TRAPPC10: variants seen among roughly 807,000 people sequenced by gnomAD.
TRAPPC10 encodes the protein TRAPP 130 kDa subunit.
In TRAPPC10, 23 loss-of-function variants were observed where a neutral mutation model predicts 125.5. The ratio of observed to expected loss-of-function variants is 0.18; its 90% CI spans 0.13 to 0.26. TRAPPC10 has a LOEUF of 0.26. TRAPPC10 is among the 10% of genes least tolerant of loss of function. TRAPPC10 has a pLI of 1.00. For synonymous variants in TRAPPC10, 509 were observed against 518.0 expected (o/e 0.98, Z 0.24); for missense variants, 1,123 against 1,308.4 (o/e 0.86, Z 2.19).
intron 1 of TRAPPC10, 52 bp from the exon 2 acceptor site, chr21:44,032,039 G>A: frequency 2.8e-6 from 4 of 1,443,256 alleles, no homozygotes; most frequent in Non-Finnish European, 2.9e-6. Context: ...GAGCCATTTT[G>A]CATGTATTCA....
chr21:44,078,822 A>C (rs1232838898), intron 11 of TRAPPC10, among the ~76,000 whole-genome samples: 1 of 152,216 alleles, frequency 6.6e-6, no homozygotes, highest in Non-Finnish European at 1.5e-5. Flanking sequence ...ACACACCAGT[A>C]GTCCCAGCTA....
chr21:44,057,273 C>T lies in TRAPPC10; in HGVS notation c.678+1380C>T, dbSNP rs534839938. ...CACAATAGTGTGAGTGCATTTAACA[C>T]TACTGAGCTGTAGTCTTCTCTCTCT... On this transcript the variant is annotated intron_variant, in intron 5 of 22. Transcript: ENST00000291574. 7.2e-5 allele frequency among the ~76,000 whole-genome samples: 11 copies of T among 152,024 alleles called. No homozygotes were observed. The South Asian group carries it at 2.3e-3, about 32-fold the overall frequency.
At chr21:44,027,886 G>A (rs1460546233) in intron 1 of TRAPPC10, among the ~76,000 whole-genome samples, 3 of 152,094 alleles carry the variant, frequency 2.0e-5, no homozygotes, top group Non-Finnish European at 4.4e-5. Flanking sequence ...CCCCACGTGA[G>A]GGCACAGCAA....
At position 44,063,476 on chromosome 21, in the gene TRAPPC10, C is replaced by T. The variant is rs2036204317; in HGVS notation, c.791-62C>T. On this transcript the variant is annotated intron_variant, in intron 6 of 22. Transcript: ENST00000291574. The surrounding 1 kb of genome is among the most constrained non-coding windows in gnomAD (Gnocchi z 4.4). Reference sequence around the variant, plus strand: ...GTTTGCCCACCATCCTCAGCCTGAGCAGGAAGCTCAGGAAGGTGAAGTACC... The same window carrying T: ...GTTTGCCCACCATCCTCAGCCTGAGTAGGAAGCTCAGGAAGGTGAAGTACC... The T allele has an allele frequency of 1.9e-6, 3 of 1,581,016 alleles. No homozygotes were observed. Among genetic ancestry groups the T allele is most frequent in the Admixed American group, 1.7e-5 (1 of 58,068 alleles).
At chr21:44,081,005 C>CTTTTT (rs71326026) in intron 13 of TRAPPC10, among the ~76,000 whole-genome samples, 15 of 103,896 alleles carry the variant, frequency 1.4e-4, no homozygotes, top group African/African-American at 1.9e-4. Flanking sequence ...TATTATTGTT[C>CTTTTT]TTTTTTTTTT....
intron 7 of TRAPPC10, among the ~76,000 whole-genome samples, chr21:44,073,174 C>G (rs1297606057): frequency 6.6e-6 from 1 of 152,070 alleles, no homozygotes; most frequent in Non-Finnish European, 1.5e-5. Flanking sequence ...AGAAGTTGGG[C>G]TTTTTAGCTT....
Position 44,032,095 on chromosome 21 carries a change from T to C in TRAPPC10, c.72T>C (p.Ala24=). ...ATTTCTTTCTTCCCTTCATAGGTGC[T>C]GGAGATCAGAATTTATTTACCTCTG... ...TMENKPIVTC[A]GDQNLFTSVY... The change falls in exon 2 of 23, where the codon GCT becomes GCC. Residue 24 remains alanine (A), a synonymous_variant. Coordinates refer to ENST00000291574, the MANE Select transcript of TRAPPC10 (RefSeq NM_003274.5). 6.2e-7 allele frequency: 1 copy of C among 1,613,204 alleles called. No homozygotes were observed. The highest frequency in any genetic ancestry group is 8.5e-7 in the Non-Finnish European group (1 of 1,179,516).
chr21:44,074,357 G>C lies in TRAPPC10; in HGVS notation c.1072G>C (p.Val358Leu). 6.2e-7 allele frequency: 1 copy of C among 1,614,186 alleles called. No homozygotes were observed. Among genetic ancestry groups the C allele is most frequent in the South Asian group, 1.1e-5 (1 of 91,074 alleles). Residue 358 changes from valine (V) to leucine (L), a missense_variant, in exon 8 of 23, where the codon GTG (valine) becomes CTG (leucine). By Grantham distance (32) the Val-to-Leu change is conservative. Transcript: ENST00000291574. ...SVPPGALDCW[V>L]FLSCLEVLQR... ...CCCACCTGGTGCTCTGGACTGCTGG[G>C]TGTTTCTGAGCTGTCTGGAGGTGTT... is the stretch of plus-strand genomic sequence containing the variant.
chr21:44,077,345 T>C (rs920801568), intron 10 of TRAPPC10, among the ~76,000 whole-genome samples: 12 of 152,214 alleles, frequency 7.9e-5, no homozygotes, highest in African/African-American at 2.2e-4. Context: ...TTCAGCACTT[T>C]GGGAGGCTGA....
chr21:44,068,611 T>A (rs149299054), intron 7 of TRAPPC10, among the ~76,000 whole-genome samples: 4,977 of 152,170 alleles, frequency 0.033, 97 homozygotes, highest in Admixed American at 0.055. Flanking sequence ...GATTTTATTT[T>A]TTATTATTAT....
At chr21:44,056,571 G>A (rs182856678) in intron 5 of TRAPPC10, among the ~76,000 whole-genome samples, 234 of 152,324 alleles carry the variant, frequency 1.5e-3, no homozygotes, top group African/African-American at 5.2e-3. Flanking sequence ...GATGTTCTGA[G>A]AAATACTTAG....
At chr21:44,066,834 A>G (rs1031178993) in intron 7 of TRAPPC10, among the ~76,000 whole-genome samples, 3 of 152,178 alleles carry the variant, frequency 2.0e-5, no homozygotes, top group Non-Finnish European at 4.4e-5. Flanking sequence ...TTTTAAAGCT[A>G]TATGTTGTTA....
chr21:44,046,923 T>C, intron 3 of TRAPPC10: 1 of 841,486 alleles, frequency 1.2e-6, no homozygotes, highest in Non-Finnish European at 2.0e-6. Flanking sequence ...TGACTGGCCG[T>C]CCTACATTTC....
chr21:44,031,979 C>A, intron 1 of TRAPPC10, 112 bp from the exon 2 acceptor site: 1 of 833,744 alleles, frequency 1.2e-6, no homozygotes, highest in South Asian at 1.6e-5. Flanking sequence ...CTTGCGATAT[C>A]GCTTTACTAA....
intron 7 of TRAPPC10, among the ~76,000 whole-genome samples, chr21:44,064,993 TG>T (rs2036332930): frequency 6.6e-6 from 1 of 152,140 alleles, no homozygotes; most frequent in Non-Finnish European, 1.5e-5. Flanking sequence ...AACTGCAGGT[TG>T]GGGACGGGGC....
intron 2 of TRAPPC10, among the ~76,000 whole-genome samples, chr21:44,034,831 G>C (rs2033870852): frequency 6.6e-6 from 1 of 152,154 alleles, no homozygotes; most frequent in Non-Finnish European, 1.5e-5. Context: ...AGGTAGAGAT[G>C]AGAGTGATGT....
chr21:44,076,514 T>C, intron 9 of TRAPPC10, 38 bp from the exon 10 acceptor site: 1 of 1,519,360 alleles, frequency 6.6e-7, no homozygotes, highest in Non-Finnish European at 9.1e-7. Context: ...CTGGACATGA[T>C]GAAGATGAAG....
intron 7 of TRAPPC10, among the ~76,000 whole-genome samples, chr21:44,073,764 A>G (rs2037060446): frequency 6.6e-6 from 1 of 152,144 alleles, no homozygotes; most frequent in Non-Finnish European, 1.5e-5. Flanking sequence ...AAACATAAAT[A>G]TACTGTCTTT....
chr21:44,043,031 C>T (rs1414883836), intron 3 of TRAPPC10, among the ~76,000 whole-genome samples: 1 of 152,000 alleles, frequency 6.6e-6, no homozygotes, highest in Non-Finnish European at 1.5e-5. Context: ...TCTAATTTTA[C>T]TGTCTGAATG....
Sources: gnomAD v4.1 joint callset for allele counts (sites outside exome capture counted in the v4.1 genomes callset) on GRCh38, gnomAD v4.1.1 for gene constraint, Gnocchi (gnomAD v3.1) non-coding constraint, MANE v1.5 for transcripts, NCBI Gene and HGNC (gene_info 2026-07-23, HGNC 2026-07-21) for gene names.